The following PCDH15 variants were observed in gnomAD, a reference collection of about 807,000 sequenced individuals.
PCDH15 encodes the protein protocadherin related 15.
In PCDH15, 129 loss-of-function variants were observed where a neutral mutation model predicts 178.5. That is an observed-to-expected ratio of 0.72 (90% confidence interval 0.63 to 0.84). The LOEUF is 0.84. Ranked by LOEUF, PCDH15 falls within the 40% of genes least tolerant of loss-of-function variation. The pLI is 0.00. For synonymous variants in PCDH15, 800 were observed against 732.0 expected, an observed-to-expected ratio of 1.09 and a Z score of -1.50; for missense variants, 2,230 against 2,099.9, an observed-to-expected ratio of 1.06 and a Z score of -1.21.
chr10:55,324,271 G>A (rs1441794916), upstream of PCDH15, among the ~76,000 whole-genome samples: 2 of 152,200 alleles, frequency 1.3e-5, no homozygotes, highest in South Asian at 2.1e-4. Context: ...TGAGCTAAAT[G>A]TCCCAATTAA....
chr10:54,868,320 G>A (rs1383279143), intron 3 of PCDH15, among the ~76,000 whole-genome samples: 1 of 152,122 alleles, frequency 6.6e-6, no homozygotes, highest in Non-Finnish European at 1.5e-5. Flanking sequence ...GCAGACATCA[G>A]TTGTTGATGA....
At chr10:54,158,865 T>C (rs1478678339) in intron 13 of PCDH15, among the ~76,000 whole-genome samples, 1 of 152,140 alleles carries the variant, frequency 6.6e-6, no homozygotes, top group Admixed American at 6.5e-5. Flanking sequence ...TCCAGCACTT[T>C]GGGAGGCTGA....
At chr10:54,080,558 C>T (rs551960081) in intron 16 of PCDH15, among the ~76,000 whole-genome samples, 1 of 152,132 alleles carries the variant, frequency 6.6e-6, no homozygotes, top group South Asian at 2.1e-4. Context: ...AAGGTAAGTG[C>T]TTTTATTGTA....
intron 27 of PCDH15, among the ~76,000 whole-genome samples, chr10:53,858,695 T>C (rs1054836216): frequency 1.3e-5 from 2 of 152,154 alleles, no homozygotes; most frequent in Non-Finnish European, 2.9e-5. Context: ...GTTCTAACCT[T>C]GTACCCCTAA....
chr10:54,938,129 T>C (rs995585413), intron 2 of PCDH15, among the ~76,000 whole-genome samples: 1 of 152,110 alleles, frequency 6.6e-6, no homozygotes, highest in Non-Finnish European at 1.5e-5. Context: ...ATTCAGTTGT[T>C]AAACTATCAT....
intron 2 of PCDH15, among the ~76,000 whole-genome samples, chr10:55,333,532 T>A (rs2132312839): frequency 6.6e-6 from 1 of 152,198 alleles, no homozygotes; most frequent in Admixed American, 6.5e-5. Flanking sequence ...CACTGGTTAG[T>A]TTGGTTAATA....
At chr10:55,001,204 C>T (rs117960767) in intron 2 of PCDH15, among the ~76,000 whole-genome samples, 269 of 152,258 alleles carry the variant, frequency 1.8e-3, no homozygotes, top group Admixed American at 3.3e-3. Context: ...CTACCCACTT[C>T]GGGTCTCCTG....
At chr10:55,538,154 C>A (rs1841626686) in intron 2 of PCDH15, among the ~76,000 whole-genome samples, 1 of 152,150 alleles carries the variant, frequency 6.6e-6, no homozygotes, top group Admixed American at 6.6e-5. Flanking sequence ...ATGACATTCT[C>A]CTTACCTTGT....
In PCDH15 at chr10:54,213,960, G is replaced by A; in HGVS notation, c.1074C>T (p.His358=). The change falls in exon 10 of 38, where the codon CAC becomes CAT. Residue 358 remains histidine, a synonymous_variant. Transcript: ENST00000644397. ...SLLEPVNRDF[H]QKFDLVIKAE... is the part of the protein sequence containing the mutation. Reference sequence around the variant, plus strand: ...CCTTAATAACCAAATCAAATTTCTGGTGAAAGTCTCTGTTTACTGGCTCCA... The same window carrying A: ...CCTTAATAACCAAATCAAATTTCTGATGAAAGTCTCTGTTTACTGGCTCCA... 6.2e-7 allele frequency: 1 copy of A among 1,602,698 alleles called. No homozygotes were observed. Among genetic ancestry groups the A allele is most frequent in the Non-Finnish European group, 8.5e-7 (1 of 1,169,994 alleles).
chr10:55,295,358 C>T (rs1007907850), intron 1 of PCDH15, among the ~76,000 whole-genome samples: 1 of 152,218 alleles, frequency 6.6e-6, no homozygotes, highest in African/African-American at 2.4e-5. Context: ...TGATTTCAGC[C>T]TTGCGCACTT....
intron 3 of PCDH15, among the ~76,000 whole-genome samples, chr10:54,896,756 C>A (rs1460543734): frequency 6.6e-6 from 1 of 151,980 alleles, no homozygotes; most frequent in Non-Finnish European, 1.5e-5. Context: ...GAGAAAAGAG[C>A]CACAAATAAG....
chr10:54,494,338 A>T (rs925389871), intron 3 of PCDH15, among the ~76,000 whole-genome samples: 1 of 152,102 alleles, frequency 6.6e-6, no homozygotes, highest in Non-Finnish European at 1.5e-5. Flanking sequence ...AGACCCACAG[A>T]TGGATCCCTT....
intron 3 of PCDH15, among the ~76,000 whole-genome samples, chr10:54,845,775 C>T (rs556537996): frequency 3.3e-5 from 5 of 151,958 alleles, no homozygotes; most frequent in East Asian, 1.9e-4. Context: ...TGAGACAGCT[C>T]GGGGAATGAA....
At chr10:54,527,785 C>A in intron 3 of PCDH15, 27 bp downstream of exon 3, 1 of 1,558,846 alleles carries the variant, frequency 6.4e-7, no homozygotes, top group Non-Finnish European at 8.8e-7. Flanking sequence ...TTAGATAAGA[C>A]ATTTGTAAAA....
intron 13 of PCDH15, among the ~76,000 whole-genome samples, chr10:54,182,612 C>T (rs1420328073): frequency 1.3e-5 from 2 of 151,316 alleles, no homozygotes; most frequent in African/African-American, 4.9e-5. Flanking sequence ...AAAGATGTTG[C>T]CTGACTTACA....
Position 54,713,630 on chromosome 10 carries a change from C to T in PCDH15, c.-28-49340G>A, listed in dbSNP as rs142541132. Among the ~76,000 whole-genome samples the T allele has an allele frequency of 1.1e-3, 173 of 152,154 alleles. 1 individual carries two copies. The highest frequency in any genetic ancestry group is 3.9e-3 in the African/African-American group (163 of 41,528). ...TATAATCAGTGTCTGGGCAAATAAT[C>T]AATATGTCTAAAATCTTCATGACGA... On this transcript the variant is annotated intron_variant, in intron 1 of 37. Transcript: ENST00000644397.
intron 3 of PCDH15, among the ~76,000 whole-genome samples, chr10:54,495,850 A>C (rs2137257074): frequency 6.6e-6 from 1 of 152,252 alleles, no homozygotes; most frequent in Non-Finnish European, 1.5e-5. Context: ...GGTCCTTTTC[A>C]AGTCAGATTT....
intron 35 of PCDH15, among the ~76,000 whole-genome samples, chr10:53,815,767 C>T (rs1790110972): frequency 6.6e-6 from 1 of 151,790 alleles, no homozygotes; most frequent in African/African-American, 2.4e-5. Context: ...ATCTTTTTCA[C>T]ATTGCAGAAG....
At chr10:55,412,539 C>T (rs1838364779) in intron 2 of PCDH15, among the ~76,000 whole-genome samples, 1 of 151,300 alleles carries the variant, frequency 6.6e-6, no homozygotes, top group Non-Finnish European at 1.5e-5. Flanking sequence ...ATGAATGGCA[C>T]AATAAAGTAT....
Sources: allele counts gnomAD v4.1 joint callset (sites outside exome capture counted in the v4.1 genomes callset), GRCh38; gene constraint gnomAD v4.1.1; transcripts MANE v1.5; gene names NCBI Gene and HGNC (gene_info 2026-07-23, HGNC 2026-07-21).